Variants in RNF17 observed in about 807,000 individuals in gnomAD.
The protein encoded by RNF17 is spermatogenesis associated 23.
Under a neutral mutation model 200.5 loss-of-function variants are expected in RNF17, and 31 were observed. The observed-to-expected ratio is 0.15, with a 90% CI of 0.12 to 0.21. The LOEUF (loss-of-function observed/expected upper bound fraction) is 0.21, where lower values mean the gene tolerates loss of function less well. Ranked by LOEUF, RNF17 falls within the 10% of genes least tolerant of loss-of-function variation. The pLI, the probability that RNF17 is intolerant of heterozygous loss-of-function variation, is 1.00. For synonymous variants in RNF17, 606 were observed against 637.8 expected (o/e 0.95, Z 0.75); for missense variants, 1,628 against 1,905.1 (o/e 0.85, Z 2.71).
At chr13:24,815,719 C>T (rs540902663) in intron 15 of RNF17, among the ~76,000 whole-genome samples, 1 of 152,196 alleles carries the variant, frequency 6.6e-6, no homozygotes, top group Admixed American at 6.5e-5. Flanking sequence ...CCCAAATGAC[C>T]TTTACCATGT....
chr13:24,883,393 A>ATTTC, downstream of RNF17: 1 of 1,515,836 alleles, frequency 6.6e-7, no homozygotes, highest in East Asian at 2.4e-5. Flanking sequence ...AAAAAATATG[A>ATTTC]TTTCTTAAAA....
At chr13:24,812,002 C>T (rs1253952324) in intron 15 of RNF17, among the ~76,000 whole-genome samples, 1 of 151,938 alleles carries the variant, frequency 6.6e-6, no homozygotes, top group Non-Finnish European at 1.5e-5. Flanking sequence ...TGCCCATTCT[C>T]AGATCTCCAG....
At chr13:24,822,209 T>C (rs1888147471) in intron 15 of RNF17, among the ~76,000 whole-genome samples, 1 of 152,142 alleles carries the variant, frequency 6.6e-6, no homozygotes, top group South Asian at 2.1e-4. Context: ...GTGTGCTTCT[T>C]ACTGTACATG....
chr13:24,768,505 C>T (rs978429471), intron 2 of RNF17, among the ~76,000 whole-genome samples: 21 of 152,044 alleles, frequency 1.4e-4, no homozygotes, highest in Admixed American at 1.3e-3. Flanking sequence ...AGGATGGTCT[C>T]GATCTCCTCA....
At chr13:24,842,525 T>C (rs1044880692) in intron 19 of RNF17, among the ~76,000 whole-genome samples, 7 of 152,164 alleles carry the variant, frequency 4.6e-5, no homozygotes, top group Admixed American at 4.6e-4. Flanking sequence ...GTAGCTTACA[T>C]TTCCATTTGT....
At position 24,825,488 on chromosome 13, in the gene RNF17, C is replaced by G. The variant is rs1888526498; in HGVS notation, c.2092-131C>G. 4.4e-6 allele frequency: 3 copies of G among 675,264 alleles called. No individual in the cohort carries two copies. The Admixed American group carries it at 8.0e-5, about 18-fold the overall frequency. 41.8% of individuals were successfully genotyped at this position (675,264 alleles called of 1,614,324 possible). A position where few individuals can be genotyped will look rare whatever the true frequency, so the allele number is the denominator to read the frequency against. On this transcript the variant is annotated intron_variant, in intron 15 of 35. Transcript: ENST00000255324. ...AAATTTTGTAAAATAAATTACGTAA[C>G]ACAATTGATAGATTTACATTCAATT...
chr13:24,814,364 T>G (rs1341083556), intron 15 of RNF17, among the ~76,000 whole-genome samples: 1 of 152,232 alleles, frequency 6.6e-6, no homozygotes, highest in Non-Finnish European at 1.5e-5. Flanking sequence ...GTGTCCTTTG[T>G]TCCACAAAAG....
At chr13:24,869,421 T>C (rs530701035) in intron 31 of RNF17, among the ~76,000 whole-genome samples, 23 of 152,362 alleles carry the variant, frequency 1.5e-4, no homozygotes, top group African/African-American at 5.5e-4. Flanking sequence ...TTTGCTTATT[T>C]ATTGCTGTAT....
At chr13:24,767,799 G>A (rs1879950928) in intron 2 of RNF17, among the ~76,000 whole-genome samples, 1 of 150,020 alleles carries the variant, frequency 6.7e-6, no homozygotes, top group African/African-American at 2.4e-5. Context: ...GAATCTTTAA[G>A]CAAAGAAACC....
chr13:24,751,259 C>T, the RNF17 span: 5 of 151,538 alleles, frequency 3.3e-5, no homozygotes, highest in Admixed American at 3.3e-4. Flanking sequence ...CCATCATCAT[C>T]GTCAGCAGAT....
At chr13:24,753,903 T>C in the RNF17 span, among the ~76,000 whole-genome samples, 32 of 152,170 alleles carry the variant, frequency 2.1e-4, no homozygotes, top group Non-Finnish European at 2.8e-4. Context: ...ATGCCTGTAA[T>C]CCCAGCTCTT....
downstream of RNF17, chr13:24,882,381 T>A (rs1376349187): frequency 1.3e-5 from 2 of 152,018 alleles, no homozygotes; most frequent in African/African-American, 4.8e-5. Flanking sequence ...GTAAGGTCTA[T>A]CTAGACCAAT....
At position 24,870,769 on chromosome 13, in the gene RNF17, A is replaced by G. The variant is rs746986342; in HGVS notation, c.4447+30A>G. 48 of 1,590,182 alleles carry G rather than the reference A, an allele frequency of 3.0e-5. 2 individuals carry two copies. In the South Asian group the frequency reaches 5.4e-4, roughly 18 times the overall value. On this transcript the variant is annotated intron_variant, in intron 32 of 35. Coordinates refer to ENST00000255324, the MANE Select transcript of RNF17 (RefSeq NM_031277.3). ...ACTTACTATATTTGAATGAAACAGG[A>G]TACTTAATAAAACTTGGATTTTGTT... is the stretch of plus-strand genomic sequence containing the variant.
intron 10 of RNF17, chr13:24,794,089 T>C (rs1441421626): frequency 2.5e-6 from 1 of 402,242 alleles, no homozygotes; most frequent in African/African-American, 2.1e-5. Flanking sequence ...TACAGCTTTT[T>C]AAAAACTAGC....
upstream of RNF17, among the ~76,000 whole-genome samples, chr13:24,760,409 A>G (rs1325678475): frequency 2.6e-5 from 4 of 152,214 alleles, no homozygotes; most frequent in Non-Finnish European, 5.9e-5. Flanking sequence ...AATGCTGGGA[A>G]AACTAGATAT....
At chr13:24,776,170 A>G (rs966310391) in intron 3 of RNF17, among the ~76,000 whole-genome samples, 6 of 152,212 alleles carry the variant, frequency 3.9e-5, no homozygotes, top group Non-Finnish European at 7.4e-5. Flanking sequence ...TACCTCCTGC[A>G]GATTCTGACT....
At chr13:24,878,288 G>C in intron 34 of RNF17, among the ~76,000 whole-genome samples, 1 of 152,210 alleles carries the variant, frequency 6.6e-6, no homozygotes, top group Admixed American at 6.5e-5. Context: ...AGCTCATACA[G>C]GGTTTCTCTC....
intron 18 of RNF17, among the ~76,000 whole-genome samples, chr13:24,835,023 G>A (rs891303706): frequency 1.2e-4 from 18 of 152,134 alleles, no homozygotes; most frequent in African/African-American, 3.6e-4. Context: ...GGTTTGCGTG[G>A]GCGCTGGGTG....
chr13:24,814,105 T>C (rs1460534425), intron 15 of RNF17, among the ~76,000 whole-genome samples: 2 of 152,196 alleles, frequency 1.3e-5, no homozygotes, highest in Non-Finnish European at 2.9e-5. Flanking sequence ...GAAAAAGTGT[T>C]ATTAAAAATC....
Sources: gnomAD v4.1 joint callset for allele counts (sites outside exome capture counted in the v4.1 genomes callset) on GRCh38, gnomAD v4.1.1 for gene constraint, MANE v1.5 for transcripts, NCBI Gene and HGNC (gene_info 2026-07-23, HGNC 2026-07-21) for gene names.